Variants in MARCHF6 observed in about 807,000 individuals in gnomAD.
The protein encoded by MARCHF6 is E3 ubiquitin-protein ligase MARCHF6.
In MARCHF6, 31 loss-of-function variants were observed where a neutral mutation model predicts 133.7. That is an observed-to-expected ratio of 0.23 (90% confidence interval 0.17 to 0.31). The LOEUF is 0.31. Ranked by LOEUF, MARCHF6 falls within the 10% of genes least tolerant of loss-of-function variation. The pLI, the probability that MARCHF6 is intolerant of heterozygous loss-of-function variation, is 1.00. For missense variants in MARCHF6, 723 were observed against 1,121.6 expected, an observed-to-expected ratio of 0.64 and a Z score of 5.08; for synonymous variants, 395 against 402.5, an observed-to-expected ratio of 0.98 and a Z score of 0.22.
At chr5:10,423,917 G>T in intron 23 of MARCHF6, 93 bp downstream of exon 23, 4 of 829,852 alleles carry the variant, frequency 4.8e-6, no homozygotes, top group Admixed American at 3.1e-5. Flanking sequence ...TTCCTACCTT[G>T]CTGAGTTTTC....
rs1185119419 is a variant in MARCHF6 at position 10,436,734 on chromosome 5, A to C, written c.*3050A>C. On this transcript the variant is annotated 3_prime_UTR_variant, in exon 26 of 26. Coordinates refer to ENST00000274140, the MANE Select transcript of MARCHF6 (RefSeq NM_005885.4). ...TACTAATAGTTGAGATGAAAACTGA[A>C]GAAAAATGCCAATGTGACGTTTGTG... is the stretch of plus-strand genomic sequence containing the variant. 6.6e-6 allele frequency: 1 copy of C among 152,238 alleles called. No individual in the cohort carries two copies. Among genetic ancestry groups the C allele is most frequent in the Non-Finnish European group, 1.5e-5 (1 of 68,042 alleles). 9.4% of individuals were successfully genotyped at this position (152,238 alleles called of 1,614,324 possible).
chr5:10,411,784 A>G (rs921454466), intron 19 of MARCHF6, among the ~76,000 whole-genome samples: 1 of 152,242 alleles, frequency 6.6e-6, no homozygotes, highest in East Asian at 1.9e-4. Context: ...AGTAATTAAG[A>G]AACTAACATT....
chr5:10,426,631 T>A (rs1350545368), intron 24 of MARCHF6, 109 bp downstream of exon 24: 2 of 1,196,198 alleles, frequency 1.7e-6, no homozygotes, highest in South Asian at 3.0e-5. Flanking sequence ...TATTTGTAAA[T>A]GTGAATCCAG....
rs568676386 is a variant in MARCHF6, at chr5:10,397,218, A to T, written c.862-75A>T. On this transcript the variant is annotated intron_variant, in intron 9 of 25. Coordinates refer to ENST00000274140, the MANE Select transcript of MARCHF6 (RefSeq NM_005885.4). ...TGTTTTTACTATTTGGCTCTAGCTAAATAAGTGGAATAGTCCAATTAAACA... is the reference window on the plus strand; with the variant it reads ...TGTTTTTACTATTTGGCTCTAGCTATATAAGTGGAATAGTCCAATTAAACA... 5 of 1,095,636 alleles carry T rather than the reference A, an allele frequency of 4.6e-6. No individual in the cohort carries two copies. In the African/African-American group the frequency reaches 8.0e-5, roughly 18 times the overall value. 67.9% of individuals were successfully genotyped at this position (1,095,636 alleles called of 1,614,324 possible). A position where few individuals can be genotyped will look rare whatever the true frequency, so the allele number is the denominator to read the frequency against.
chr5:10,393,559 G>A (rs1738002629), intron 7 of MARCHF6, among the ~76,000 whole-genome samples: 1 of 152,124 alleles, frequency 6.6e-6, no homozygotes, highest in African/African-American at 2.4e-5. Context: ...TCTCTCTCTT[G>A]ATCTAATACA....
At chr5:10,366,001 C>T (rs374574711) in intron 1 of MARCHF6, among the ~76,000 whole-genome samples, 58 of 151,912 alleles carry the variant, frequency 3.8e-4, no homozygotes, top group African/African-American at 8.2e-4. Flanking sequence ...CACGCAATTT[C>T]GGTTCACTGC....
At chr5:10,425,884 G>T (rs1235698258) in intron 23 of MARCHF6, among the ~76,000 whole-genome samples, 2 of 152,048 alleles carry the variant, frequency 1.3e-5, no homozygotes, top group Non-Finnish European at 2.9e-5. Context: ...ATTCACTATA[G>T]AATTCTTTCA....
chr5:10,391,528 T>G lies in MARCHF6; in HGVS notation c.577-14T>G, dbSNP rs767703688. On this transcript the variant is annotated splice_polypyrimidine_tract_variant and intron_variant, in intron 6 of 25. Coordinates refer to ENST00000274140, the MANE Select transcript of MARCHF6 (RefSeq NM_005885.4). ...CAAGTGGATCTAAATTTCTGGGCTT[T>G]TCTGTGATTTTAGGCTCCAGCAGGA... 1 of 1,573,740 alleles carries G rather than the reference T, an allele frequency of 6.4e-7. No homozygotes were observed. Among genetic ancestry groups the G allele is most frequent in the Non-Finnish European group, 8.7e-7 (1 of 1,149,644 alleles).
chr5:10,362,163 C>T (rs978579818), intron 1 of MARCHF6, among the ~76,000 whole-genome samples: 2 of 152,214 alleles, frequency 1.3e-5, no homozygotes, highest in African/African-American at 4.8e-5. Flanking sequence ...AATTTACACA[C>T]AAATTTACCC....
In MARCHF6 at chr5:10,423,794, T is replaced by C. The variant is rs755052217; in HGVS notation, c.2343T>C (p.Pro781=). 1.9e-6 allele frequency: 3 copies of C among 1,613,320 alleles called. No homozygotes were observed. Among genetic ancestry groups the C allele is most frequent in the Non-Finnish European group, 2.5e-6 (3 of 1,179,570 alleles). The change falls in exon 23 of 26, where the codon CCT becomes CCC. Residue 781 remains proline, a synonymous_variant. Transcript: ENST00000274140. ...KIIAAITLMG[P]QWWLKTVIEQ... ...TTGCAGCTATAACATTGATGGGTCC[T>C]CAGTGGTGGTTGAAAACTGTAATTG...
intron 22 of MARCHF6, among the ~76,000 whole-genome samples, chr5:10,417,755 T>C (rs1365285763): frequency 1.4e-5 from 2 of 141,918 alleles, no homozygotes; most frequent in Non-Finnish European, 3.1e-5. Flanking sequence ...AGGAAAAAAA[T>C]ATAATTTTTA....
intron 20 of MARCHF6, among the ~76,000 whole-genome samples, chr5:10,414,772 T>C (rs182073773): frequency 4.1e-4 from 62 of 152,344 alleles, no homozygotes; most frequent in South Asian, 1.9e-3. Context: ...CTCTAGCCTA[T>C]TGAGAAGTAA....
chr5:10,411,130 A>G (rs1433170050), intron 18 of MARCHF6, among the ~76,000 whole-genome samples: 4 of 152,220 alleles, frequency 2.6e-5, no homozygotes, highest in Non-Finnish European at 4.4e-5. Context: ...TTTATGGGAT[A>G]TCCTACAAGT....
chr5:10,408,465 C>G (rs959524350), intron 17 of MARCHF6, among the ~76,000 whole-genome samples: 10 of 152,216 alleles, frequency 6.6e-5, no homozygotes, highest in African/African-American at 2.4e-4. Context: ...TCTCTGTTTA[C>G]AATGACTTGC....
intron 10 of MARCHF6, among the ~76,000 whole-genome samples, chr5:10,397,843 TC>T (rs1738281450): frequency 6.6e-6 from 1 of 152,182 alleles, no homozygotes; most frequent in African/African-American, 2.4e-5. Context: ...CAAAATCACT[TC>T]CAAGCACTTC....
intron 3 of MARCHF6, among the ~76,000 whole-genome samples, chr5:10,379,751 G>C (rs558518916): frequency 6.6e-6 from 1 of 152,002 alleles, no homozygotes; most frequent in Non-Finnish European, 1.5e-5. Context: ...GTGAGCCACC[G>C]CGCCCAGCAA....
At chr5:10,370,630 T>C (rs1027144169) in intron 1 of MARCHF6, among the ~76,000 whole-genome samples, 2 of 152,196 alleles carry the variant, frequency 1.3e-5, no homozygotes, top group African/African-American at 4.8e-5. Flanking sequence ...TGATTTTTTT[T>C]CAAACCATTT....
intron 15 of MARCHF6, among the ~76,000 whole-genome samples, chr5:10,404,076 TTTAC>T (rs1412105881): frequency 1.2e-4 from 17 of 136,324 alleles, no homozygotes; most frequent in East Asian, 9.0e-4. Flanking sequence ...TATTTATTTA[TTTAC>T]TTATTTACTT....
chr5:10,426,207 A>C (rs1186667598), intron 23 of MARCHF6, among the ~76,000 whole-genome samples, 183 bp from the exon 24 acceptor site: 1 of 152,210 alleles, frequency 6.6e-6, no homozygotes, highest in Non-Finnish European at 1.5e-5. Flanking sequence ...GGGTAAATAC[A>C]TTTCTTCAGA....
Sources: allele counts gnomAD v4.1 joint callset (sites outside exome capture counted in the v4.1 genomes callset), GRCh38; gene constraint gnomAD v4.1.1; transcripts MANE v1.5; gene names NCBI Gene and HGNC (gene_info 2026-07-23, HGNC 2026-07-21).